The following WDR27 variants were observed in gnomAD, a reference collection of about 807,000 sequenced individuals.
The protein encoded by WDR27 is WD repeat domain 27, also known as WD repeat-containing protein 27.
WDR27 carries 100 observed loss-of-function variants against 114.4 expected under a neutral mutation model. That is an observed-to-expected ratio of 0.87 (90% CI 0.74 to 1.03). The LOEUF (loss-of-function observed/expected upper bound fraction) is 1.03. Among genes scored for constraint, WDR27 ranks in the 50% least tolerant of loss-of-function variants. WDR27 has a pLI of 0.00. For missense variants in WDR27, 1,129 were observed against 1,092.9 expected (o/e 1.03, Z -0.47); for synonymous variants, 449 against 423.1 (o/e 1.06, Z -0.75).
intron 24 of WDR27, among the ~76,000 whole-genome samples, chr6:169,575,502 T>C (rs13219074): frequency 1.3e-5 from 2 of 151,946 alleles, no homozygotes; most frequent in Admixed American, 6.6e-5. Flanking sequence ...TACTGGGAGG[T>C]TGGTCTTATC....
chr6:169,579,355 T>C (rs1407756177), intron 24 of WDR27, among the ~76,000 whole-genome samples: 2 of 152,128 alleles, frequency 1.3e-5, no homozygotes, highest in Admixed American at 6.5e-5. Flanking sequence ...TCATAAGATA[T>C]ATGTTTTAAG....
intron 25 of WDR27, among the ~76,000 whole-genome samples, chr6:169,549,354 T>C (rs948414602): frequency 3.3e-5 from 5 of 152,100 alleles, no homozygotes; most frequent in Non-Finnish European, 2.9e-5. Context: ...ATGGCTAAAG[T>C]CCAGAACATG....
chr6:169,532,959 C>A (rs967707443), intron 25 of WDR27, among the ~76,000 whole-genome samples: 1 of 151,826 alleles, frequency 6.6e-6, no homozygotes, highest in Admixed American at 6.6e-5. Flanking sequence ...CAGTTTATGG[C>A]AAAAACAAAA....
chr6:169,543,594 G>T (rs933287583), intron 25 of WDR27, among the ~76,000 whole-genome samples: 4 of 151,986 alleles, frequency 2.6e-5, no homozygotes, highest in African/African-American at 9.7e-5. Flanking sequence ...AACAAATTTG[G>T]TGAGATGAAT....
At chr6:169,435,608 C>T in the WDR27 span, among the ~76,000 whole-genome samples, 1 of 152,248 alleles carries the variant, frequency 6.6e-6, no homozygotes, top group African/African-American at 2.4e-5. Context: ...GGATTTCAGA[C>T]TTGCATGGGG....
chr6:169,465,266 A>G (rs370607499), intron 25 of WDR27, among the ~76,000 whole-genome samples: 44,237 of 140,696 alleles, frequency 0.31, 6,779 homozygotes, highest in Non-Finnish European at 0.45. Flanking sequence ...CTCAAAAAAA[A>G]AAAAAAAAAA....
chr6:169,638,784 C>T (rs563219907), intron 17 of WDR27, 124 bp from the exon 18 acceptor site: 61 of 1,211,726 alleles, frequency 5.0e-5, no homozygotes, highest in African/African-American at 7.6e-5. Flanking sequence ...ATTAGGGGCG[C>T]GCCAGGAGGC....
intron 21 of WDR27, among the ~76,000 whole-genome samples, chr6:169,630,243 G>A (rs1262071009): frequency 6.6e-6 from 1 of 152,144 alleles, no homozygotes; most frequent in Non-Finnish European, 1.5e-5. Context: ...TTTAACCTCT[G>A]AAATCTACAT....
At chr6:169,427,707 G>A in the WDR27 span, among the ~76,000 whole-genome samples, 1 of 151,588 alleles carries the variant, frequency 6.6e-6, no homozygotes, top group Non-Finnish European at 1.5e-5. Flanking sequence ...TCACCCCAGG[G>A]CCTGTGTGGA....
intron 25 of WDR27, among the ~76,000 whole-genome samples, chr6:169,555,637 GAAT>G (rs1798764004): frequency 6.6e-6 from 1 of 152,296 alleles, no homozygotes; most frequent in Non-Finnish European, 1.5e-5. Context: ...TAATTTTCCA[GAAT>G]AATATTAGTG....
rs369797685 is a variant in WDR27 at position 169,645,036 on chromosome 6, TAAAAAAAAAAA to T, written c.1658-1261_1658-1251del. Reference sequence around the variant, plus strand: ...AAAAAAAAAAAATAAAAAAAAAAAATAAAAAAAAAAAAAAAAAAAAAAGAAAATCCTAGTTC... The same window carrying T: ...AAAAAAAAAAAATAAAAAAAAAAAATAAAAAAAAAAAGAAAATCCTAGTTC... On this transcript the variant is annotated intron_variant, in intron 16 of 25. Transcript: ENST00000448612. 5.2e-4 allele frequency among the ~76,000 whole-genome samples: 40 copies of T among 76,964 alleles called. 7 individuals are homozygous for T. Among genetic ancestry groups the T allele is most frequent in the Admixed American group, 1.6e-3 (10 of 6,360 alleles). 50.5% of individuals were successfully genotyped at this position (76,964 alleles called of 152,430 possible). A position where few individuals can be genotyped will look rare whatever the true frequency, so the allele number is the denominator to read the frequency against.
At chr6:169,653,777 G>A (rs1034478014) in intron 13 of WDR27, among the ~76,000 whole-genome samples, 11 of 152,198 alleles carry the variant, frequency 7.2e-5, no homozygotes, top group Non-Finnish European at 1.2e-4. Flanking sequence ...TGTGGATGGC[G>A]GCACCTCCAG....
At chr6:169,660,631 C>G (rs553551371) in intron 10 of WDR27, 32 bp downstream of exon 10, 1 of 1,564,486 alleles carries the variant, frequency 6.4e-7, no homozygotes, top group African/African-American at 1.4e-5. Flanking sequence ...GAAAACATTA[C>G]AGTTACATGG....
intron 25 of WDR27, among the ~76,000 whole-genome samples, chr6:169,519,115 C>A (rs1279010297): frequency 6.6e-6 from 1 of 152,234 alleles, no homozygotes; most frequent in Non-Finnish European, 1.5e-5. Flanking sequence ...CTGTCCATAG[C>A]ACTATCAACA....
At chr6:169,583,513 A>AT (rs1491339427) in intron 23 of WDR27, among the ~76,000 whole-genome samples, 3 of 15,484 alleles carry the variant, frequency 1.9e-4, no homozygotes, top group African/African-American at 4.2e-4. Context: ...ATGTATATAT[A>AT]CACACACACA....
chr6:169,427,985 G>T, the WDR27 span, among the ~76,000 whole-genome samples: 1 of 152,114 alleles, frequency 6.6e-6, no homozygotes, highest in African/African-American at 2.4e-5. Context: ...AGGCCCCAGA[G>T]GGGTCCCGGA....
chr6:169,509,580 T>G (rs1326359048), intron 25 of WDR27, among the ~76,000 whole-genome samples: 10 of 151,796 alleles, frequency 6.6e-5, no homozygotes, highest in Non-Finnish European at 1.2e-4. Flanking sequence ...TAGCCATATG[T>G]AGAAAGCTGA....
At chr6:169,542,415 CA>C (rs1260226207) in intron 25 of WDR27, among the ~76,000 whole-genome samples, 1 of 151,942 alleles carries the variant, frequency 6.6e-6, no homozygotes, top group Non-Finnish European at 1.5e-5. Context: ...AAGAAAATAT[CA>C]AAAAAGTCAA....
the WDR27 span, among the ~76,000 whole-genome samples, chr6:169,436,444 AACTGT>A: frequency 6.6e-6 from 1 of 151,088 alleles, no homozygotes; most frequent in Admixed American, 6.6e-5. Flanking sequence ...TAATGAAAAC[AACTGT>A]ATCTTCTGAG....
Sources: gnomAD v4.1 joint callset for allele counts (sites outside exome capture counted in the v4.1 genomes callset) on GRCh38, gnomAD v4.1.1 for gene constraint, MANE v1.5 for transcripts, NCBI Gene and HGNC (gene_info 2026-07-23, HGNC 2026-07-21) for gene names.